The following JAK2 variants were observed in gnomAD, a reference collection of about 807,000 sequenced individuals.
JAK2 encodes tyrosine-protein kinase JAK2.
JAK2 carries 86 observed loss-of-function variants against 139.3 expected under a neutral mutation model. The ratio of observed to expected loss-of-function variants is 0.62; its 90% CI spans 0.52 to 0.74. The LOEUF is 0.74. JAK2 is among the 30% of genes least tolerant of loss of function. The probability of loss-of-function intolerance (pLI) is 0.00; values close to 1 mark genes in which losing one functional copy is unlikely to be tolerated. For synonymous variants in JAK2, 490 were observed against 437.7 expected (o/e 1.12, Z -1.49); for missense variants, 1,421 against 1,360.3 (o/e 1.04, Z -0.70).
At chr9:4,986,302 TAAGC>T (rs1819946670) in intron 2 of JAK2, among the ~76,000 whole-genome samples, 1 of 152,226 alleles carries the variant, frequency 6.6e-6, no homozygotes, top group South Asian at 2.1e-4. Flanking sequence ...CCTTTCTTCT[TAAGC>T]AGCCAGAGAT....
chr9:5,078,238 T>C (rs1819444587), intron 15 of JAK2, 68 bp from the exon 16 acceptor site: 1 of 1,333,200 alleles, frequency 7.5e-7, no homozygotes, highest in Non-Finnish European at 1.0e-6. Flanking sequence ...TTTTGGGGGC[T>C]TGAACATACT....
intron 4 of JAK2, among the ~76,000 whole-genome samples, chr9:5,030,651 C>T (rs944328413): frequency 6.6e-6 from 1 of 152,018 alleles, no homozygotes; most frequent in Non-Finnish European, 1.5e-5. Flanking sequence ...CATAAGCTTG[C>T]CTCTTAATCA....
intron 2 of JAK2, among the ~76,000 whole-genome samples, chr9:5,014,533 A>G (rs532987005): frequency 1.7e-4 from 26 of 152,300 alleles, no homozygotes; most frequent in Non-Finnish European, 2.6e-4. Flanking sequence ...GTGGGAAAAT[A>G]TCAGAACAGC....
chr9:5,036,408 C>G (rs918041321), intron 4 of JAK2, among the ~76,000 whole-genome samples: 2 of 152,094 alleles, frequency 1.3e-5, no homozygotes, highest in African/African-American at 2.4e-5. Flanking sequence ...AAAAAGAGCC[C>G]ACATTGCCAA....
In JAK2 at chr9:5,128,913, C is replaced by G. The variant is rs78645270; in HGVS notation, c.*2122C>G. ...AAGGTATTCTTAGAATTATGTAATT[C>G]TGTAACTATTCCAGTATATTAAGTT... On this transcript the variant is annotated 3_prime_UTR_variant, in exon 25 of 25. Transcript: ENST00000381652. 0.016 allele frequency among the ~76,000 whole-genome samples: 2,459 copies of G among 152,076 alleles called. 68 individuals carry two copies. The highest frequency in any genetic ancestry group is 0.056 in the African/African-American group (2,342 of 41,528).
At chr9:5,110,628 T>C (rs1050938895) in intron 22 of JAK2, 7 of 201,390 alleles carry the variant, frequency 3.5e-5, no homozygotes, top group South Asian at 1.8e-4. Context: ...CACAGGCTTT[T>C]ACTCTAAAGA....
At chr9:5,012,645 T>G (rs913496064) in intron 2 of JAK2, among the ~76,000 whole-genome samples, 8 of 152,290 alleles carry the variant, frequency 5.3e-5, no homozygotes, top group African/African-American at 1.9e-4. Context: ...CATTAATAAA[T>G]TAAATATTTA....
In JAK2 at chr9:5,128,678, G is replaced by A. The variant is rs115894704; in HGVS notation, c.*1887G>A. Among the ~76,000 whole-genome samples, 66 of 151,756 alleles carry A rather than the reference G, an allele frequency of 4.3e-4. No individual in the cohort carries two copies. The highest frequency in any genetic ancestry group is 1.5e-3 in the African/African-American group (62 of 41,462). ...ATGTACATTCTTGTTTTTAGAATGG[G>A]GTGACTACCTTATTATAAAATTCCA... On this transcript the variant is annotated 3_prime_UTR_variant, in exon 25 of 25. Transcript: ENST00000381652.
At chr9:5,116,180 A>G (rs905348382) in intron 22 of JAK2, among the ~76,000 whole-genome samples, 1 of 152,184 alleles carries the variant, frequency 6.6e-6, no homozygotes, top group Non-Finnish European at 1.5e-5. Context: ...TATTATCTCT[A>G]TTTTAAGCAT....
Position 5,129,937 on chromosome 9 carries a change from T to C in JAK2, c.*3146T>C, listed in dbSNP as rs1564032435. Among the ~76,000 whole-genome samples, 1 of 152,170 alleles carries C rather than the reference T, an allele frequency of 6.6e-6. No homozygotes were observed. Among genetic ancestry groups the C allele is most frequent in the Non-Finnish European group, 1.5e-5 (1 of 68,004 alleles). ...ATTTCAATATAAATAAAATTCTTCT[T>C]AGGTTAAAAAATTAATTTCAGTTGT... On this transcript the variant is annotated 3_prime_UTR_variant, in exon 25 of 25. Transcript: ENST00000381652.
chr9:5,031,872 G>A (rs1823176710), intron 4 of JAK2, among the ~76,000 whole-genome samples: 1 of 152,240 alleles, frequency 6.6e-6, no homozygotes, highest in African/African-American at 2.4e-5. Flanking sequence ...CAACTGAGGT[G>A]TACCGGGTTC....
At chr9:5,112,187 T>TGGGCTTCGCCGGCCCC (rs1325923036) in intron 22 of JAK2, 2 of 261,776 alleles carry the variant, frequency 7.6e-6, no homozygotes, top group Non-Finnish European at 1.5e-5. Flanking sequence ...GCGCTGGCCT[T>TGGGCTTCGCCGGCCCC]GGGCTTCGCC....
At chr9:5,113,387 A>AT (rs780169214) in intron 22 of JAK2, among the ~76,000 whole-genome samples, 13 of 146,160 alleles carry the variant, frequency 8.9e-5, no homozygotes, top group African/African-American at 2.8e-4. Context: ...CCTAAGCGTA[A>AT]TTTTTTTTAA....
At chr9:5,116,498 C>G (rs1276901309) in intron 22 of JAK2, among the ~76,000 whole-genome samples, 1 of 152,048 alleles carries the variant, frequency 6.6e-6, no homozygotes, top group African/African-American at 2.4e-5. Flanking sequence ...TTGGCCATAT[C>G]CCCAGTGATA....
chr9:5,014,164 CTTT>C (rs200845162), intron 2 of JAK2, among the ~76,000 whole-genome samples: 38 of 117,536 alleles, frequency 3.2e-4, no homozygotes, highest in African/African-American at 1.1e-3. Flanking sequence ...TTTACTCTTT[CTTT>C]TTTTTTTTTT....
intron 19 of JAK2, among the ~76,000 whole-genome samples, chr9:5,087,864 G>A (rs1820256443): frequency 1.3e-5 from 2 of 152,140 alleles, no homozygotes; most frequent in Admixed American, 1.3e-4. Context: ...TGACATGACT[G>A]TATTTAAAAA....
At chr9:5,089,960 C>G in intron 20 of JAK2, 97 bp downstream of exon 20, 1 of 764,410 alleles carries the variant, frequency 1.3e-6, no homozygotes, top group Non-Finnish European at 1.9e-6. Flanking sequence ...GGACTTATGC[C>G]AATGCCCAGA....
Position 5,127,112 on chromosome 9 carries a change from T to A in JAK2, c.*321T>A. ...TCAGCTTTTTGAGACCTGAAAAAAT[T>A]ATTATGTAAATTTTGCAATGTTAAA... On this transcript the variant is annotated 3_prime_UTR_variant, in exon 25 of 25. Transcript: ENST00000381652. 3.7e-6 allele frequency: 1 copy of A among 267,900 alleles called. No homozygotes were observed. The highest frequency in any genetic ancestry group is 7.1e-6 in the Non-Finnish European group (1 of 140,094). 16.6% of individuals were successfully genotyped at this position (267,900 alleles called of 1,614,324 possible).
chr9:5,049,204 T>C (rs1278843297), intron 5 of JAK2, among the ~76,000 whole-genome samples: 1 of 152,242 alleles, frequency 6.6e-6, no homozygotes, highest in Non-Finnish European at 1.5e-5. Flanking sequence ...CACTTTATTT[T>C]CTTCAAGCAC....
Sources: gnomAD v4.1 joint callset for allele counts (sites outside exome capture counted in the v4.1 genomes callset) on GRCh38, gnomAD v4.1.1 for gene constraint, MANE v1.5 for transcripts, NCBI Gene and HGNC (gene_info 2026-07-23, HGNC 2026-07-21) for gene names.